LSAMP: variants seen among roughly 807,000 people sequenced by gnomAD.
LSAMP encodes the protein limbic system associated membrane protein, also known as limbic system-associated membrane protein.
A neutral mutation model predicts 38.6 loss-of-function variants in LSAMP; 7 were observed. That is an observed-to-expected ratio of 0.18 (90% CI 0.10 to 0.34). The LOEUF (loss-of-function observed/expected upper bound fraction) is 0.34. Among genes scored for constraint, LSAMP ranks in the 10% least tolerant of loss-of-function variants. The pLI is 1.00. For synonymous variants in LSAMP, 154 were observed against 166.8 expected, an observed-to-expected ratio of 0.92 and a Z score of 0.59; for missense variants, 313 against 420.0, an observed-to-expected ratio of 0.75 and a Z score of 2.23.
At chr3:115,933,352 C>A (rs1937612095) in intron 3 of LSAMP, among the ~76,000 whole-genome samples, 1 of 151,978 alleles carries the variant, frequency 6.6e-6, no homozygotes, top group Non-Finnish European at 1.5e-5. Context: ...ATAATAGTGA[C>A]AATGCAAAGG....
chr3:116,234,930 T>C (rs984889923), intron 1 of LSAMP, among the ~76,000 whole-genome samples: 1 of 152,192 alleles, frequency 6.6e-6, no homozygotes, highest in African/African-American at 2.4e-5. Context: ...ATAGCTCATA[T>C]AAAGATACTA....
At chr3:115,978,297 G>A (rs1939250702) in intron 3 of LSAMP, among the ~76,000 whole-genome samples, 1 of 152,046 alleles carries the variant, frequency 6.6e-6, no homozygotes. Context: ...TTGGTTCCCA[G>A]TAAGAAGAGA....
chr3:116,182,881 C>T (rs553914570), intron 1 of LSAMP, among the ~76,000 whole-genome samples: 52 of 151,612 alleles, frequency 3.4e-4, no homozygotes, highest in African/African-American at 8.7e-4. Flanking sequence ...GATAAAAGTC[C>T]AAATTTTGCC....
Position 115,810,285 on chromosome 3 carries a change from G to T in LSAMP, c.*32C>A, listed in dbSNP as rs1488969698. ...TATTCTGTGTGACGCATTTTTGTGTGTTTTTTAAATTATTTTTAAATTTTT... is the reference window on the plus strand; with the variant it reads ...TATTCTGTGTGACGCATTTTTGTGTTTTTTTTAAATTATTTTTAAATTTTT... On this transcript the variant is annotated 3_prime_UTR_variant, in exon 7 of 7. Transcript: ENST00000490035. 7.0e-7 allele frequency: 1 copy of T among 1,436,890 alleles called. No homozygotes were observed. The highest frequency in any genetic ancestry group is 2.0e-5 in the Admixed American group (1 of 50,910). 89.0% of individuals were successfully genotyped at this position (1,436,890 alleles called of 1,614,324 possible).
At chr3:116,339,737 A>G (rs1160220565) in intron 1 of LSAMP, among the ~76,000 whole-genome samples, 1 of 152,022 alleles carries the variant, frequency 6.6e-6, no homozygotes, top group African/African-American at 2.4e-5. Context: ...GAGTTTTGTC[A>G]TGCTTCACAT....
chr3:116,250,458 A>T (rs924735153), intron 1 of LSAMP, among the ~76,000 whole-genome samples: 2 of 152,174 alleles, frequency 1.3e-5, no homozygotes, highest in African/African-American at 4.8e-5. Flanking sequence ...CAAAATATTC[A>T]AGAAAGAACC....
chr3:116,334,905 G>C (rs2107745798), intron 1 of LSAMP, among the ~76,000 whole-genome samples: 1 of 151,990 alleles, frequency 6.6e-6, no homozygotes, highest in Admixed American at 6.6e-5. Context: ...GCAAGATAAA[G>C]AAATAAAATG....
chr3:116,070,815 C>T (rs756527662), intron 2 of LSAMP, among the ~76,000 whole-genome samples: 16 of 152,086 alleles, frequency 1.1e-4, no homozygotes, highest in African/African-American at 2.2e-4. Context: ...CCAAGGTGGG[C>T]GGATCACCTG....
intron 3 of LSAMP, among the ~76,000 whole-genome samples, chr3:115,959,475 G>T (rs900251238): frequency 6.6e-6 from 1 of 152,190 alleles, no homozygotes; most frequent in Non-Finnish European, 1.5e-5. Flanking sequence ...TGGAAAAATT[G>T]AGGATTTTAT....
intron 1 of LSAMP, among the ~76,000 whole-genome samples, chr3:116,194,471 C>T (rs1222644013): frequency 2.6e-5 from 4 of 152,158 alleles, no homozygotes; most frequent in Admixed American, 6.5e-5. Flanking sequence ...CTCAGCTCAC[C>T]GCAAGCTCCG....
intron 1 of LSAMP, among the ~76,000 whole-genome samples, chr3:116,392,470 C>T (rs2048716623): frequency 6.6e-6 from 1 of 152,204 alleles, no homozygotes; most frequent in Admixed American, 6.5e-5. Flanking sequence ...CATGCCAGCT[C>T]CCTGCCACCT....
chr3:115,842,658 C>T, intron 4 of LSAMP, 80 bp from the exon 5 acceptor site: 1 of 1,560,004 alleles, frequency 6.4e-7, no homozygotes, highest in Admixed American at 1.7e-5. Context: ...TGAAGAAGGA[C>T]AATCTGATTA....
chr3:116,215,065 A>G lies in LSAMP; in HGVS notation c.156-128509T>C, dbSNP rs573000464. ...TTATTAAGAACTCAGTATGTACATA[A>G]CACTACACTGGATACATTGCGGACG... On this transcript the variant is annotated intron_variant, in intron 1 of 6. Coordinates refer to ENST00000490035, the MANE Select transcript of LSAMP (RefSeq NM_002338.5). Among the ~76,000 whole-genome samples the G allele has an allele frequency of 4.6e-5, 7 of 152,346 alleles. No homozygotes were observed. In the South Asian group the frequency reaches 1.2e-3, roughly 27 times the overall value.
chr3:116,313,989 T>A (rs148839506), intron 1 of LSAMP, among the ~76,000 whole-genome samples: 1 of 152,326 alleles, frequency 6.6e-6, no homozygotes, highest in East Asian at 1.9e-4. Context: ...TACGAAGTCT[T>A]GTGTGAAGCA....
intron 1 of LSAMP, among the ~76,000 whole-genome samples, chr3:116,280,743 G>A (rs1234120754): frequency 2.6e-5 from 4 of 152,200 alleles, no homozygotes; most frequent in Non-Finnish European, 5.9e-5. Flanking sequence ...CAACAGTCGT[G>A]GTTCACTCTA....
intron 3 of LSAMP, among the ~76,000 whole-genome samples, chr3:115,905,964 A>G (rs898411778): frequency 6.6e-6 from 1 of 152,240 alleles, no homozygotes; most frequent in East Asian, 1.9e-4. Flanking sequence ...AATGCCAAGG[A>G]CATGAGACTA....
chr3:115,843,452 T>C (rs2918226), intron 4 of LSAMP, among the ~76,000 whole-genome samples: 13,792 of 152,270 alleles, frequency 0.091, 1,012 homozygotes, highest in Admixed American at 0.25. Flanking sequence ...AACTGGATGA[T>C]GCTGTGTTTG....
chr3:116,198,726 G>A (rs2045946323), intron 1 of LSAMP, among the ~76,000 whole-genome samples: 1 of 138,602 alleles, frequency 7.2e-6, no homozygotes, highest in African/African-American at 2.7e-5. Flanking sequence ...AGCCTGGATG[G>A]CGCCACTGCA....
At chr3:116,437,100 C>T (rs948930602) in intron 1 of LSAMP, among the ~76,000 whole-genome samples, 1 of 150,964 alleles carries the variant, frequency 6.6e-6, no homozygotes, top group Non-Finnish European at 1.5e-5. Context: ...AATGAATTAA[C>T]AGCATTTGCA....
Sources: gnomAD v4.1 joint callset for allele counts (sites outside exome capture counted in the v4.1 genomes callset) on GRCh38, gnomAD v4.1.1 for gene constraint, MANE v1.5 for transcripts, NCBI Gene and HGNC (gene_info 2026-07-23, HGNC 2026-07-21) for gene names.